SIPA1L1: variants seen among roughly 807,000 people sequenced by gnomAD.
SIPA1L1 encodes signal-induced proliferation-associated 1-like protein 1.
In SIPA1L1, 26 loss-of-function variants were observed where a neutral mutation model predicts 162.7. The observed-to-expected ratio is 0.16, with a 90% CI of 0.12 to 0.22. The LOEUF (loss-of-function observed/expected upper bound fraction) is 0.22. Among genes scored for constraint, SIPA1L1 ranks in the 10% least tolerant of loss-of-function variants. The pLI, the probability that SIPA1L1 is intolerant of heterozygous loss-of-function variation, is 1.00. For synonymous variants in SIPA1L1, 829 were observed against 837.4 expected, an observed-to-expected ratio of 0.99 and a Z score of 0.17; for missense variants, 1,874 against 2,241.0, an observed-to-expected ratio of 0.84 and a Z score of 3.31.
intron 5 of SIPA1L1, among the ~76,000 whole-genome samples, chr14:71,604,269 A>G (rs2037215375): frequency 6.6e-6 from 1 of 151,978 alleles, no homozygotes; most frequent in Non-Finnish European, 1.5e-5. Flanking sequence ...TGCTAGAACA[A>G]TATAGGTTTG....
At chr14:71,674,863 C>T (rs1289017908) in intron 12 of SIPA1L1, among the ~76,000 whole-genome samples, 2 of 151,694 alleles carry the variant, frequency 1.3e-5, no homozygotes, top group Non-Finnish European at 3.0e-5. Flanking sequence ...CGCGCCCGGC[C>T]GCATTCCTGT....
chr14:71,658,212 C>T, intron 8 of SIPA1L1, 121 bp from the exon 9 acceptor site: 1 of 624,766 alleles, frequency 1.6e-6, no homozygotes, highest in Non-Finnish European at 2.8e-6. Flanking sequence ...CCTGTCTTGT[C>T]TAGAATCTTT....
intron 5 of SIPA1L1, among the ~76,000 whole-genome samples, chr14:71,593,275 G>T (rs976937702): frequency 1.3e-5 from 2 of 151,936 alleles, no homozygotes; most frequent in Admixed American, 1.3e-4. Context: ...TCAGTGGCAC[G>T]ATCTCCGCTC....
At chr14:71,721,202 T>C (rs926468782) in intron 17 of SIPA1L1, among the ~76,000 whole-genome samples, 1 of 152,172 alleles carries the variant, frequency 6.6e-6, no homozygotes, top group Non-Finnish European at 1.5e-5. Flanking sequence ...ACTCACCAAC[T>C]CCAAGAAGCA....
At chr14:71,580,020 C>T (rs1466577930) in intron 4 of SIPA1L1, among the ~76,000 whole-genome samples, 2 of 152,162 alleles carry the variant, frequency 1.3e-5, no homozygotes, top group African/African-American at 4.8e-5. Flanking sequence ...ATGTTAGCAG[C>T]CTGAAAATTT....
intron 2 of SIPA1L1, among the ~76,000 whole-genome samples, chr14:71,398,008 A>ATTTT (rs1157130958): frequency 8.5e-4 from 75 of 88,708 alleles, no homozygotes; most frequent in East Asian, 1.4e-3. Context: ...CAAAAAAAAA[A>ATTTT]ATTTTTTTTT....
intron 2 of SIPA1L1, among the ~76,000 whole-genome samples, chr14:71,500,068 CT>C (rs1352569520): frequency 5.3e-5 from 8 of 151,986 alleles, no homozygotes; most frequent in Admixed American, 2.6e-4. Context: ...CTAAACATTC[CT>C]TTTTTTGACA....
intron 10 of SIPA1L1, among the ~76,000 whole-genome samples, chr14:71,669,109 A>G (rs76491889): frequency 5.3e-4 from 81 of 152,322 alleles, no homozygotes; most frequent in African/African-American, 1.8e-3. Flanking sequence ...CATCTTCCTC[A>G]TCTTCTGTAA....
chr14:71,421,986 G>A (rs577949828), intron 2 of SIPA1L1, among the ~76,000 whole-genome samples: 1 of 152,260 alleles, frequency 6.6e-6, no homozygotes, highest in South Asian at 2.1e-4. Flanking sequence ...TATAAACTAG[G>A]CCACTGTAAT....
chr14:71,524,640 G>A (rs936479591), intron 3 of SIPA1L1, among the ~76,000 whole-genome samples: 2 of 152,134 alleles, frequency 1.3e-5, no homozygotes, highest in Non-Finnish European at 2.9e-5. Flanking sequence ...ATAGAGATGA[G>A]GTCTCACTAT....
chr14:71,612,898 A>G (rs1415818094), intron 5 of SIPA1L1, among the ~76,000 whole-genome samples: 1 of 152,226 alleles, frequency 6.6e-6, no homozygotes, highest in East Asian at 1.9e-4. Flanking sequence ...TTTACCTGGA[A>G]TATTTTAATG....
chr14:71,507,275 T>C (rs139803817), intron 2 of SIPA1L1, among the ~76,000 whole-genome samples: 37 of 152,342 alleles, frequency 2.4e-4, no homozygotes, highest in Non-Finnish European at 4.9e-4. Context: ...GTTGTTGATT[T>C]GTGCCTAATT....
chr14:71,477,691 C>A (rs953158025), intron 2 of SIPA1L1, among the ~76,000 whole-genome samples: 10 of 151,952 alleles, frequency 6.6e-5, no homozygotes, highest in Admixed American at 5.2e-4. Context: ...ATACTTGGTT[C>A]CTTTTAATAG....
chr14:71,467,769 C>G (rs1006950571), intron 2 of SIPA1L1, among the ~76,000 whole-genome samples: 1 of 151,120 alleles, frequency 6.6e-6, no homozygotes, highest in Non-Finnish European at 1.5e-5. Context: ...TTATCCTAGC[C>G]CTCTGGAAGG....
At position 71,588,983 on chromosome 14, in the gene SIPA1L1, T is replaced by G; in HGVS notation, c.1111T>G (p.Leu371Val). ...TGASAAAVAS[L>V]VSGPLSHSAS... ...AGCTTCCGCAGCTGCCGTGGCATCC[T>G]TGGTCTCTGGACCTCTGTCTCATTC... Residue 371 changes from leucine to valine, a missense_variant, in exon 5 of 24, where the codon TTG becomes GTG. Coordinates refer to ENST00000381232, the MANE Select transcript of SIPA1L1 (RefSeq NM_001386936.1). The surrounding 1 kb of genome is among the most constrained non-coding windows in gnomAD (Gnocchi z 4.3). The G allele has an allele frequency of 6.2e-7, 1 of 1,614,144 alleles. No individual in the cohort carries two copies. The highest frequency in any genetic ancestry group is 2.2e-5 in the East Asian group (1 of 44,872).
At chr14:71,384,137 C>G (rs187742972) in intron 2 of SIPA1L1, among the ~76,000 whole-genome samples, 194 of 152,240 alleles carry the variant, frequency 1.3e-3, no homozygotes, top group Non-Finnish European at 2.6e-3. Context: ...TTTCATGTCC[C>G]TGGTGTTAGG....
At chr14:71,734,003 C>T (rs568411359) in intron 21 of SIPA1L1, among the ~76,000 whole-genome samples, 191 bp downstream of exon 21, 1 of 152,342 alleles carries the variant, frequency 6.6e-6, no homozygotes, top group South Asian at 2.1e-4. Context: ...AATCAGATGC[C>T]ACCTGGTGTT....
intron 2 of SIPA1L1, among the ~76,000 whole-genome samples, chr14:71,450,356 A>G (rs2045723571): frequency 6.6e-6 from 1 of 152,174 alleles, no homozygotes; most frequent in South Asian, 2.1e-4. Flanking sequence ...AAGACTCTGT[A>G]CTCATTTATA....
At chr14:71,738,373 C>G (rs1227653528) in intron 23 of SIPA1L1, 48 bp downstream of exon 23, 2 of 1,311,046 alleles carry the variant, frequency 1.5e-6, no homozygotes, top group Non-Finnish European at 2.2e-6. Flanking sequence ...ACAAACTACC[C>G]TTGAACCATG....
Sources: gnomAD v4.1 joint callset for allele counts (sites outside exome capture counted in the v4.1 genomes callset) on GRCh38, gnomAD v4.1.1 for gene constraint, Gnocchi (gnomAD v3.1) non-coding constraint, MANE v1.5 for transcripts, NCBI Gene and HGNC (gene_info 2026-07-23, HGNC 2026-07-21) for gene names.